The following PLCB1 variants were observed in gnomAD, a reference collection of about 807,000 sequenced individuals.
PLCB1 encodes 1-phosphatidylinositol 4,5-bisphosphate phosphodiesterase beta-1.
PLCB1 carries 46 observed loss-of-function variants against 161.8 expected under a neutral mutation model. The observed-to-expected ratio is 0.28, with a 90% CI of 0.22 to 0.36. PLCB1 has a LOEUF of 0.36. Ranked by LOEUF, PLCB1 falls within the 10% of genes least tolerant of loss-of-function variation. The pLI, the probability that PLCB1 is intolerant of heterozygous loss-of-function variation, is 1.00. For missense variants in PLCB1, 1,016 were observed against 1,472.5 expected, an observed-to-expected ratio of 0.69 and a Z score of 5.07; for synonymous variants, 517 against 503.7, an observed-to-expected ratio of 1.03 and a Z score of -0.35.
intron 3 of PLCB1, among the ~76,000 whole-genome samples, chr20:8,428,315 G>A (rs757783069): frequency 1.1e-4 from 16 of 152,066 alleles, no homozygotes; most frequent in Non-Finnish European, 1.9e-4. Context: ...CTGTCTCCCG[G>A]GTTCAAGCGA....
In PLCB1 at chr20:8,579,758, G is replaced by A. The variant is rs573851535; in HGVS notation, c.247-48536G>A. ...CTAAGAACCAGGTGACTATAGAAGAGTCTAGCTGGCCTTATATTGGGTTCT... is the reference window on the plus strand; with the variant it reads ...CTAAGAACCAGGTGACTATAGAAGAATCTAGCTGGCCTTATATTGGGTTCT... On this transcript the variant is annotated intron_variant, in intron 3 of 31. Coordinates refer to ENST00000338037, the MANE Select transcript of PLCB1 (RefSeq NM_015192.4). Among the ~76,000 whole-genome samples, 4 of 152,110 alleles carry A rather than the reference G, an allele frequency of 2.6e-5. No homozygotes were observed. In the East Asian group the frequency reaches 7.7e-4, roughly 29 times the overall value.
At chr20:8,704,619 T>C (rs545218064) in intron 11 of PLCB1, among the ~76,000 whole-genome samples, 1 of 152,346 alleles carries the variant, frequency 6.6e-6, no homozygotes, top group South Asian at 2.1e-4. Context: ...CAGACCACAT[T>C]TATCCTGTCA....
chr20:8,307,013 A>G (rs1433316594), intron 2 of PLCB1, among the ~76,000 whole-genome samples: 1 of 152,256 alleles, frequency 6.6e-6, no homozygotes, highest in Non-Finnish European at 1.5e-5. Context: ...GACTTCAGGA[A>G]CACAATGGAA....
At chr20:8,476,175 T>C (rs1326581524) in intron 3 of PLCB1, among the ~76,000 whole-genome samples, 1 of 152,170 alleles carries the variant, frequency 6.6e-6, no homozygotes, top group Admixed American at 6.5e-5. Flanking sequence ...TAGAGCAGCT[T>C]ACAGGAGTTC....
At chr20:8,634,234 T>G (rs1988690393) in intron 4 of PLCB1, among the ~76,000 whole-genome samples, 1 of 152,200 alleles carries the variant, frequency 6.6e-6, no homozygotes, top group South Asian at 2.1e-4. Flanking sequence ...TCTCTGTAGG[T>G]TAAATTATTA....
intron 3 of PLCB1, among the ~76,000 whole-genome samples, chr20:8,564,144 G>T (rs1244222235): frequency 6.6e-6 from 1 of 152,114 alleles, no homozygotes; most frequent in Non-Finnish European, 1.5e-5. Context: ...TACCAAAACA[G>T]ATATATAGAC....
chr20:8,707,939 G>T (rs571993265), intron 11 of PLCB1, among the ~76,000 whole-genome samples: 1 of 152,216 alleles, frequency 6.6e-6, no homozygotes, highest in Admixed American at 6.5e-5. Context: ...ATATTGTATG[G>T]TTACATTTAT....
At chr20:8,592,057 T>C (rs1444163609) in intron 3 of PLCB1, among the ~76,000 whole-genome samples, 1 of 152,188 alleles carries the variant, frequency 6.6e-6, no homozygotes, top group Non-Finnish European at 1.5e-5. Flanking sequence ...TGAAGGTAAT[T>C]TTATACACTA....
chr20:8,554,038 A>C (rs532435675), intron 3 of PLCB1, among the ~76,000 whole-genome samples: 1 of 151,868 alleles, frequency 6.6e-6, no homozygotes, highest in Non-Finnish European at 1.5e-5. Context: ...ACTCCACAAA[A>C]GTCATTACAC....
At chr20:8,301,054 C>A (rs146470053) in intron 2 of PLCB1, among the ~76,000 whole-genome samples, 1 of 152,256 alleles carries the variant, frequency 6.6e-6, no homozygotes, top group Non-Finnish European at 1.5e-5. Context: ...TTCTACAATG[C>A]TGCATTACGG....
chr20:8,594,834 C>A (rs1238849875), intron 3 of PLCB1, among the ~76,000 whole-genome samples: 3 of 152,178 alleles, frequency 2.0e-5, no homozygotes, highest in African/African-American at 7.2e-5. Flanking sequence ...ACACTAAGCA[C>A]ATCTCTAATT....
At chr20:8,818,973 T>C (rs960306737) in intron 31 of PLCB1, among the ~76,000 whole-genome samples, 5 of 151,668 alleles carry the variant, frequency 3.3e-5, no homozygotes, top group African/African-American at 9.7e-5. Context: ...TCTCCCAAAT[T>C]GATCTATAGA....
intron 2 of PLCB1, among the ~76,000 whole-genome samples, chr20:8,268,600 C>T (rs1483314112): frequency 6.6e-6 from 1 of 152,166 alleles, no homozygotes; most frequent in African/African-American, 2.4e-5. Flanking sequence ...AAAAGTGTTC[C>T]TATTTCTCCA....
intron 2 of PLCB1, among the ~76,000 whole-genome samples, chr20:8,209,904 C>A (rs1978731781): frequency 6.6e-6 from 1 of 152,056 alleles, no homozygotes; most frequent in African/African-American, 2.4e-5. Context: ...GTGGAGCGAT[C>A]CTAGCTCTAT....
intron 27 of PLCB1, among the ~76,000 whole-genome samples, chr20:8,783,705 T>C (rs1983347881): frequency 6.6e-6 from 1 of 152,228 alleles, no homozygotes; most frequent in African/African-American, 2.4e-5. Context: ...CTCTGCATAT[T>C]AGTGTTATTC....
At chr20:8,726,054 A>G (rs1312082321) in intron 16 of PLCB1, among the ~76,000 whole-genome samples, 2 of 152,114 alleles carry the variant, frequency 1.3e-5, no homozygotes, top group East Asian at 1.9e-4. Context: ...TGGATTGGAG[A>G]AGGTGAGAAG....
At chr20:8,846,015 C>T (rs1197951111) in intron 31 of PLCB1, among the ~76,000 whole-genome samples, 1 of 152,166 alleles carries the variant, frequency 6.6e-6, no homozygotes, top group Non-Finnish European at 1.5e-5. Context: ...GGAATTGCAA[C>T]TATTGTATTA....
chr20:8,591,392 C>CA (rs1449099825), intron 3 of PLCB1, among the ~76,000 whole-genome samples: 1 of 151,798 alleles, frequency 6.6e-6, no homozygotes, highest in Admixed American at 6.6e-5. Context: ...CAAAAGAAGC[C>CA]AAAAAAACTT....
intron 31 of PLCB1, among the ~76,000 whole-genome samples, chr20:8,826,457 C>T (rs1413033218): frequency 6.8e-6 from 1 of 147,524 alleles, no homozygotes; most frequent in Non-Finnish European, 1.5e-5. Flanking sequence ...GATCGCGCCA[C>T]TGCACTCCAG....
Sources: gnomAD v4.1 joint callset for allele counts (sites outside exome capture counted in the v4.1 genomes callset) on GRCh38, gnomAD v4.1.1 for gene constraint, MANE v1.5 for transcripts, NCBI Gene and HGNC (gene_info 2026-07-23, HGNC 2026-07-21) for gene names.